The following CD72 variants were observed in gnomAD, a reference collection of about 807,000 sequenced individuals.
The protein encoded by CD72 is CD72 molecule, also known as B-cell differentiation antigen CD72.
A neutral mutation model predicts 50.7 loss-of-function variants in CD72; 28 were observed. The ratio of observed to expected loss-of-function variants is 0.55; its 90% CI spans 0.41 to 0.76. CD72 has a LOEUF of 0.76. Among genes scored for constraint, CD72 ranks in the 30% least tolerant of loss-of-function variants. The pLI is 0.00. For missense variants in CD72, 403 were observed against 420.6 expected (o/e 0.96, Z 0.37); for synonymous variants, 176 against 171.2 (o/e 1.03, Z -0.22).
chr9:35,618,698 CT>C, upstream of CD72: 2 of 1,063,978 alleles, frequency 1.9e-6, no homozygotes, highest in Non-Finnish European at 2.5e-6. Flanking sequence ...TCCTGGCTGC[CT>C]TGTCCACTGG....
chr9:35,614,511 T>C (rs994624088), intron 5 of CD72, among the ~76,000 whole-genome samples: 2 of 151,992 alleles, frequency 1.3e-5, no homozygotes, highest in Non-Finnish European at 2.9e-5. Context: ...CTGCTGAAAG[T>C]GAGGGAGAAG....
chr9:35,626,189 A>G (rs1168663707), intron 1 of CD72, among the ~76,000 whole-genome samples: 2 of 151,492 alleles, frequency 1.3e-5, no homozygotes, highest in Non-Finnish European at 1.5e-5. Context: ...TCAAAATATC[A>G]ACATTAACAG....
intron 1 of CD72, among the ~76,000 whole-genome samples, chr9:35,627,198 C>T (rs575055419): frequency 2.0e-5 from 3 of 150,272 alleles, no homozygotes; most frequent in South Asian, 2.1e-4. Flanking sequence ...AATCTCAGCT[C>T]ACTGCAACCT....
chr9:35,616,892 G>A, intron 3 of CD72: 2 of 1,166,594 alleles, frequency 1.7e-6, no homozygotes, highest in Non-Finnish European at 1.2e-6. Context: ...AATCAGTGCT[G>A]GTGGGGACTC....
At chr9:35,617,040 C>T (rs1563895860) in intron 3 of CD72, 136 bp downstream of exon 3, 6 of 1,470,158 alleles carry the variant, frequency 4.1e-6, no homozygotes, top group South Asian at 1.4e-5. Flanking sequence ...GAATGTGGCA[C>T]GGCAGCCCGG....
At chr9:35,635,745 C>T (rs1823284276) in intron 1 of CD72, among the ~76,000 whole-genome samples, 2 of 152,180 alleles carry the variant, frequency 1.3e-5, no homozygotes, top group Admixed American at 1.3e-4. Context: ...CTGAGACTTG[C>T]TTTCTTCCTG....
In CD72 at chr9:35,610,595, C is replaced by G; in HGVS notation, c.*22+7G>C. The G allele has an allele frequency of 6.2e-7, 1 of 1,608,642 alleles. No individual in the cohort carries two copies. The highest frequency in any genetic ancestry group is 8.5e-7 in the Non-Finnish European group (1 of 1,176,634). ...CCCCATGCCTCAGCCCCATCCCTCA[C>G]TCTTACCAACTCAGTGCAAAGGACT... On this transcript the variant is annotated splice_region_variant and intron_variant, in intron 8 of 8. Coordinates refer to ENST00000259633, the MANE Select transcript of CD72 (RefSeq NM_001782.3).
chr9:35,611,648 G>A (rs1314375580), intron 7 of CD72, among the ~76,000 whole-genome samples, 156 bp downstream of exon 7: 1 of 152,170 alleles, frequency 6.6e-6, no homozygotes, highest in Non-Finnish European at 1.5e-5. Flanking sequence ...GCCCTAAGAA[G>A]TTATTAATCA....
chr9:35,621,171 G>C (rs911010994), upstream of CD72, among the ~76,000 whole-genome samples: 2 of 152,152 alleles, frequency 1.3e-5, no homozygotes, highest in African/African-American at 4.8e-5. Context: ...AGAGGTGAGG[G>C]GTCAGTGCTG....
intron 1 of CD72, among the ~76,000 whole-genome samples, chr9:35,629,487 A>G (rs1823223778): frequency 6.6e-6 from 1 of 152,150 alleles, no homozygotes; most frequent in African/African-American, 2.4e-5. Flanking sequence ...TTTTTCAATT[A>G]AGAGATTTAG....
chr9:35,646,438 T>C (rs1032493641), exon 1 of CD72: 6 of 152,222 alleles, frequency 3.9e-5, no homozygotes, highest in African/African-American at 4.8e-5. Flanking sequence ...TCACAGGTAT[T>C]TGTGAGTCGA....
At chr9:35,634,357 C>CT (rs1178074363) in intron 1 of CD72, among the ~76,000 whole-genome samples, 1 of 152,048 alleles carries the variant, frequency 6.6e-6, no homozygotes, top group Non-Finnish European at 1.5e-5. Flanking sequence ...AAAATGTAAT[C>CT]TTTTTTATTT....
chr9:35,621,432 ACT>A (rs1450199354), upstream of CD72, among the ~76,000 whole-genome samples: 1 of 151,970 alleles, frequency 6.6e-6, no homozygotes, highest in African/African-American at 2.4e-5. Context: ...ATCTCCTAAG[ACT>A]CTGAAAGTCA....
At chr9:35,614,697 T>A (rs1485705281) in intron 5 of CD72, among the ~76,000 whole-genome samples, 1 of 151,924 alleles carries the variant, frequency 6.6e-6, no homozygotes, top group Admixed American at 6.6e-5. Flanking sequence ...ACTAGAAGGA[T>A]AATGGAACAA....
chr9:35,643,797 G>A (rs1289829927), intron 1 of CD72, among the ~76,000 whole-genome samples: 8 of 152,124 alleles, frequency 5.3e-5, no homozygotes, highest in Admixed American at 3.9e-4. Context: ...GGCCAACATA[G>A]TGAAACCTCA....
chr9:35,626,362 GAACAGATGAGGAATTGATTATTAT>G (rs1281554338), intron 1 of CD72, among the ~76,000 whole-genome samples: 6 of 152,090 alleles, frequency 3.9e-5, no homozygotes, highest in Non-Finnish European at 7.4e-5. Context: ...GATCAAACTT[GAACAGATGAGGAATTGATTATTAT>G]GAATGAGCAA....
Position 35,616,072 on chromosome 9 carries a change from C to A in CD72, c.559G>T (p.Ala187Ser), listed in dbSNP as rs774157764. The change falls in exon 5 of 9, where the codon GCC becomes TCC. Residue 187 changes from alanine to serine, a missense_variant. Physicochemically the swap from Ala to Ser is moderately conservative, Grantham distance 99 (BLOSUM62 1). Transcript: ENST00000259633. ...AHQAAEGQLQ[A>S]CQADRQKTKE... Reference sequence around the variant, plus strand: ...GTCTTCTGTCTGTCTGCCTGGCAGGCCTGTAGCTGCCCTTCGGCCGCCTGA... The same window carrying A: ...GTCTTCTGTCTGTCTGCCTGGCAGGACTGTAGCTGCCCTTCGGCCGCCTGA... 72 of 1,614,054 alleles carry A rather than the reference C, an allele frequency of 4.5e-5. No homozygotes were observed. In the South Asian group the frequency reaches 7.5e-4, roughly 17 times the overall value.
At position 35,618,029 on chromosome 9, in the gene CD72, G is replaced by A; in HGVS notation, c.175C>T (p.Leu59=). Residue 59 remains leucine, a synonymous_variant, in exon 2 of 9, where the codon CTA becomes TTA. Transcript: ENST00000259633. The stretch of plus-strand genomic sequence containing the variant: ...CTCTCCAGACCTGCTTTGTCCCCTA[G>A]TACAGAAGAAGCCAAGCTTGAGGGC... ...GVPSSLASSV[L]GDKAAVKSEQ... The A allele has an allele frequency of 6.2e-7, 1 of 1,610,176 alleles. No homozygotes were observed. The highest frequency in any genetic ancestry group is 8.5e-7 in the Non-Finnish European group (1 of 1,176,388).
chr9:35,626,310 GA>G (rs1388735356), intron 1 of CD72, among the ~76,000 whole-genome samples: 3 of 152,044 alleles, frequency 2.0e-5, no homozygotes, highest in Non-Finnish European at 2.9e-5. Flanking sequence ...ACTACAGTTA[GA>G]AATGGAGTCT....
Sources: gnomAD v4.1 joint callset for allele counts (sites outside exome capture counted in the v4.1 genomes callset) on GRCh38, gnomAD v4.1.1 for gene constraint, MANE v1.5 for transcripts, NCBI Gene and HGNC (gene_info 2026-07-23, HGNC 2026-07-21) for gene names.